PRKCE: variants seen among roughly 807,000 people sequenced by gnomAD.
PRKCE encodes protein kinase C epsilon type.
A neutral mutation model predicts 85.4 loss-of-function variants in PRKCE; 16 were observed. The observed-to-expected ratio is 0.19, with a 90% CI of 0.13 to 0.28. The LOEUF is 0.28. PRKCE is among the 10% of genes least tolerant of loss of function. The pLI is 1.00. For synonymous variants in PRKCE, 388 were observed against 371.5 expected, an observed-to-expected ratio of 1.04 and a Z score of -0.51; for missense variants, 573 against 975.2, an observed-to-expected ratio of 0.59 and a Z score of 5.49.
intron 1 of PRKCE, among the ~76,000 whole-genome samples, chr2:45,664,249 G>A (rs544668615): frequency 6.6e-6 from 1 of 152,290 alleles, no homozygotes; most frequent in East Asian, 1.9e-4. Flanking sequence ...TCTAAAACTA[G>A]TAGAATGGGC....
chr2:45,828,331 C>T (rs191157160), intron 1 of PRKCE, among the ~76,000 whole-genome samples: 16 of 152,246 alleles, frequency 1.1e-4, no homozygotes, highest in Middle Eastern at 3.4e-3. Context: ...AGCCAGGAGG[C>T]GGAGGTTGCA....
intron 1 of PRKCE, among the ~76,000 whole-genome samples, chr2:45,832,155 C>T (rs929690411): frequency 3.3e-5 from 5 of 152,116 alleles, no homozygotes; most frequent in Middle Eastern, 3.2e-3. Flanking sequence ...CCCCGGAGAG[C>T]AATTATTCCC....
chr2:46,007,172 A>AG (rs1705278904), intron 8 of PRKCE, among the ~76,000 whole-genome samples: 1 of 152,240 alleles, frequency 6.6e-6, no homozygotes, highest in Non-Finnish European at 1.5e-5. Flanking sequence ...TACTAGCCAA[A>AG]GGGGGCTTTC....
intron 10 of PRKCE, among the ~76,000 whole-genome samples, chr2:46,021,090 T>TG (rs1471668164): frequency 6.6e-6 from 1 of 151,314 alleles, no homozygotes; most frequent in Admixed American, 6.6e-5. Flanking sequence ...GGGTGGATGC[T>TG]GGGGCATTGG....
intron 11 of PRKCE, among the ~76,000 whole-genome samples, chr2:46,136,638 T>C (rs1444366363): frequency 1.3e-5 from 2 of 152,172 alleles, no homozygotes; most frequent in Non-Finnish European, 1.5e-5. Flanking sequence ...CTGTCTGTGA[T>C]AGCACACAGT....
rs1030398584 is a variant in PRKCE at position 46,000,112 on chromosome 2, T to A, written c.824-1292T>A. Reference sequence around the variant, plus strand: ...TATATCTGAGTCTAGTTCTGATGTTTGCCTTGTCACTTCAAACTGGTTTTT... The same window carrying A: ...TATATCTGAGTCTAGTTCTGATGTTAGCCTTGTCACTTCAAACTGGTTTTT... On this transcript the variant is annotated intron_variant, in intron 6 of 14. Coordinates refer to ENST00000306156, the MANE Select transcript of PRKCE (RefSeq NM_005400.3). 5.3e-5 allele frequency among the ~76,000 whole-genome samples: 8 copies of A among 152,188 alleles called. No homozygotes were observed. In the South Asian group the frequency reaches 1.7e-3, roughly 31 times the overall value.
chr2:45,802,734 T>G (rs1687963790), intron 1 of PRKCE, among the ~76,000 whole-genome samples: 1 of 152,216 alleles, frequency 6.6e-6, no homozygotes, highest in Non-Finnish European at 1.5e-5. Flanking sequence ...ACACATGAGC[T>G]TTTCTTTTGT....
At chr2:45,937,718 G>GA (rs557911422) in intron 2 of PRKCE, among the ~76,000 whole-genome samples, 7,319 of 141,750 alleles carry the variant, frequency 0.052, 206 homozygotes, top group Middle Eastern at 0.069. Flanking sequence ...CCGTCTCAAA[G>GA]AAAAAAAAAA....
At chr2:46,101,210 GC>G (rs1671188147) in intron 11 of PRKCE, among the ~76,000 whole-genome samples, 1 of 152,166 alleles carries the variant, frequency 6.6e-6, no homozygotes, top group African/African-American at 2.4e-5. Context: ...GACAGTCTCT[GC>G]CCCTTTGGCA....
intron 10 of PRKCE, among the ~76,000 whole-genome samples, chr2:46,059,052 C>A (rs1056036755): frequency 6.6e-6 from 1 of 152,176 alleles, no homozygotes; most frequent in East Asian, 1.9e-4. Context: ...GTTGCAGTGG[C>A]TCATGCCTGT....
chr2:45,794,855 C>T (rs1443009813), intron 1 of PRKCE, among the ~76,000 whole-genome samples: 1 of 151,152 alleles, frequency 6.6e-6, no homozygotes, highest in Non-Finnish European at 1.5e-5. Context: ...ACCCCCCCCC[C>T]CATCCACCAT....
At chr2:45,683,113 T>C (rs1017906839) in intron 1 of PRKCE, among the ~76,000 whole-genome samples, 1 of 152,192 alleles carries the variant, frequency 6.6e-6, no homozygotes. Context: ...ACTTCCTGAA[T>C]GAAAGGATAC....
chr2:45,726,927 C>A (rs1195255589), intron 1 of PRKCE, among the ~76,000 whole-genome samples: 12 of 152,142 alleles, frequency 7.9e-5, no homozygotes. Flanking sequence ...ACCACTTAAC[C>A]TTTCTGGCCC....
intron 10 of PRKCE, among the ~76,000 whole-genome samples, chr2:46,060,754 T>G (rs916426068): frequency 1.3e-5 from 2 of 151,570 alleles, no homozygotes; most frequent in African/African-American, 2.4e-5. Context: ...CTTTTTTTTT[T>G]TTTTGTTTTT....
chr2:45,942,150 G>A (rs896528542), intron 2 of PRKCE, among the ~76,000 whole-genome samples: 7 of 152,198 alleles, frequency 4.6e-5, no homozygotes, highest in East Asian at 3.8e-4. Flanking sequence ...AAACATTTAC[G>A]TCTCATGTTG....
chr2:45,773,739 A>G (rs1225660680), intron 1 of PRKCE, among the ~76,000 whole-genome samples: 2 of 152,184 alleles, frequency 1.3e-5, no homozygotes, highest in East Asian at 3.9e-4. Context: ...CCCAAGTTAC[A>G]GAGCCCCTGT....
intron 1 of PRKCE, among the ~76,000 whole-genome samples, chr2:45,741,107 T>C (rs1382027898): frequency 1.3e-5 from 2 of 152,242 alleles, no homozygotes; most frequent in Non-Finnish European, 2.9e-5. Context: ...GTGGAATTGA[T>C]ACATTTGAAT....
intron 2 of PRKCE, among the ~76,000 whole-genome samples, chr2:45,940,218 G>C (rs542387520): frequency 1.4e-4 from 21 of 152,286 alleles, no homozygotes; most frequent in Middle Eastern, 3.4e-3. Context: ...AGCAAGATGT[G>C]TGTCTAGGAG....
At chr2:46,012,305 CTTTTTTTTTTTCTTTTCT>C (rs1345504853) in intron 10 of PRKCE, among the ~76,000 whole-genome samples, 1 of 146,320 alleles carries the variant, frequency 6.8e-6, no homozygotes, top group African/African-American at 2.5e-5. Flanking sequence ...TTTTCTTTTC[CTTTTTTTTTTTCTTTTCT>C]TTCCTTTTGG....
Sources: allele counts gnomAD v4.1 joint callset (sites outside exome capture counted in the v4.1 genomes callset), GRCh38; gene constraint gnomAD v4.1.1; transcripts MANE v1.5; gene names NCBI Gene and HGNC (gene_info 2026-07-23, HGNC 2026-07-21).